The following MSN variants were observed in gnomAD, a reference collection of about 807,000 sequenced individuals.
MSN encodes the protein moesin, also known as epididymis luminal protein 70.
A neutral mutation model predicts 48.0 loss-of-function variants in MSN; 2 were observed. The ratio of observed to expected loss-of-function variants is 0.04; its 90% CI spans 0.02 to 0.13. The LOEUF (loss-of-function observed/expected upper bound fraction) is 0.13. Among genes scored for constraint, MSN ranks in the 10% least tolerant of loss-of-function variants. MSN has a pLI of 1.00. For synonymous variants in MSN, 146 were observed against 166.9 expected, an observed-to-expected ratio of 0.87 and a Z score of 0.97; for missense variants, 267 against 470.1, an observed-to-expected ratio of 0.57 and a Z score of 3.99.
rs1339393614 is a variant in MSN, at chrX:65,724,877, C to A, written c.97-2937C>A. Among the ~76,000 whole-genome samples, 6 of 110,610 alleles carry A rather than the reference C, an allele frequency of 5.4e-5. No homozygotes were observed. The Admixed American group carries it at 5.8e-4, about 11-fold the overall frequency. On this transcript the variant is annotated intron_variant, in intron 2 of 12. Transcript: ENST00000360270. ...AATTTTTTTGTATTTTTAGTAGAGA[C>A]CAGGTTTCACCATGTTAGTCAGGAT...
intron 1 of MSN, among the ~76,000 whole-genome samples, chrX:65,618,241 A>C (rs936964991): frequency 6.3e-5 from 7 of 111,464 alleles, no homozygotes; most frequent in African/African-American, 2.0e-4. Flanking sequence ...TGCAGAGCTG[A>C]GTTCAATTCC....
chrX:65,663,690 G>A (rs370054850), upstream of MSN, among the ~76,000 whole-genome samples: 41 of 111,354 alleles, frequency 3.7e-4, no homozygotes, highest in East Asian at 1.4e-3. Context: ...TCACAGTAAC[G>A]AAGACATGAA....
intron 3 of MSN, 79 bp downstream of exon 3, chrX:65,727,988 G>C: frequency 1.1e-6 from 1 of 877,655 alleles, no homozygotes; most frequent in Non-Finnish European, 1.6e-6. Context: ...TGTGCTAGTT[G>C]GCAAATCCTG....
Position 65,631,127 on chromosome X carries a change from G to A in MSN, c.-22+42515G>A, listed in dbSNP as rs748858422. ...TTTTTTTTGTCTGAGACAGAGTCTC[G>A]CTCTGTTGCCCAGGCTGGAATGCAA... On this transcript the variant is annotated intron_variant, in intron 1 of 3. Coordinates refer to the MSN transcript ENST00000609672. 7.7e-5 allele frequency among the ~76,000 whole-genome samples: 8 copies of A among 104,432 alleles called. No homozygotes were observed. The South Asian group carries it at 3.5e-3, about 46-fold the overall frequency. 90.7% of individuals were successfully genotyped at this position (104,432 alleles called of 115,157 possible).
intron 1 of MSN, among the ~76,000 whole-genome samples, chrX:65,677,094 C>G (rs1339936787): frequency 8.9e-6 from 1 of 111,925 alleles, no homozygotes; most frequent in African/African-American, 3.2e-5. Context: ...TCCCAAAGTG[C>G]TGGGATTACA....
intron 1 of MSN, among the ~76,000 whole-genome samples, chrX:65,636,988 G>A (rs2070608805): frequency 1.9e-5 from 2 of 107,401 alleles, no homozygotes; most frequent in African/African-American, 6.8e-5. Flanking sequence ...TACTCGGGAG[G>A]CTGAGGCAGG....
At chrX:65,674,462 A>G (rs2070976129) in intron 1 of MSN, among the ~76,000 whole-genome samples, 2 of 111,165 alleles carry the variant, frequency 1.8e-5, no homozygotes, top group Admixed American at 1.9e-4. Flanking sequence ...GGTACAATGG[A>G]GTTCCCCTAA....
chrX:65,695,134 A>T (rs2071219946), intron 1 of MSN, among the ~76,000 whole-genome samples: 1 of 108,745 alleles, frequency 9.2e-6, no homozygotes, highest in African/African-American at 3.4e-5. Flanking sequence ...TGGAGTATAG[A>T]TGCAGAGGGA....
rs767988575 is a variant in MSN at position 65,720,832 on chromosome X, G to A, written c.96+3931G>A. ...GCAACAATGGGATGCCATAGCTTGA[G>A]GAAGTCTAGGGCCTGGTGGGAAAGG... On this transcript the variant is annotated intron_variant, in intron 2 of 12. Coordinates refer to ENST00000360270, the MANE Select transcript of MSN (RefSeq NM_002444.3). Among the ~76,000 whole-genome samples the A allele has an allele frequency of 5.3e-5, 6 of 112,300 alleles. No individual in the cohort carries two copies. The South Asian group carries it at 2.2e-3, about 41-fold the overall frequency.
chrX:65,724,618 G>A (rs1401705952), intron 2 of MSN, among the ~76,000 whole-genome samples: 1 of 112,171 alleles, frequency 8.9e-6, no homozygotes, highest in Non-Finnish European at 1.9e-5. Flanking sequence ...TAGTCTGTTA[G>A]TACAGGCAAA....
intron 1 of MSN, among the ~76,000 whole-genome samples, chrX:65,640,188 A>G (rs746516722): frequency 7.2e-5 from 8 of 110,717 alleles, no homozygotes; most frequent in Non-Finnish European, 1.5e-4. Context: ...ACACCACCCC[A>G]CCTCCCTGAA....
chrX:65,637,988 G>T (rs955935755), intron 1 of MSN, among the ~76,000 whole-genome samples: 1 of 111,964 alleles, frequency 8.9e-6, no homozygotes, highest in African/African-American at 3.2e-5. Flanking sequence ...TCCCCCACTA[G>T]AATGTAAGTT....
Position 65,717,809 on chromosome X carries a change from C to G in MSN, c.96+908C>G, listed in dbSNP as rs1047308906. On this transcript the variant is annotated intron_variant, in intron 2 of 12. Transcript: ENST00000360270. ...GCTGCATATCACCCTGATGGATTCT[C>G]CAGGCCCTCTTGCTTCCCTTTCTTC... Among the ~76,000 whole-genome samples the G allele has an allele frequency of 8.1e-5, 9 of 111,630 alleles. No individual in the cohort carries two copies. The Admixed American group carries it at 8.6e-4, about 11-fold the overall frequency.
intron 1 of MSN, among the ~76,000 whole-genome samples, chrX:65,643,036 C>T (rs1475668780): frequency 9.0e-6 from 1 of 110,865 alleles, no homozygotes; most frequent in African/African-American, 3.3e-5. Context: ...TGCAGGTCTT[C>T]TAGCCCTTAG....
chrX:65,614,131 C>T (rs1048049872), intron 1 of MSN, among the ~76,000 whole-genome samples: 8 of 111,813 alleles, frequency 7.2e-5, no homozygotes, highest in African/African-American at 2.6e-4. Flanking sequence ...ATAGGGAATC[C>T]TTTCCCCATT....
At chrX:65,594,044 G>A (rs1460180685) in intron 1 of MSN, among the ~76,000 whole-genome samples, 1 of 111,774 alleles carries the variant, frequency 8.9e-6, no homozygotes, top group Non-Finnish European at 1.9e-5. Context: ...GGAGGTTGTA[G>A]GCAGAGAGGT....
At chrX:65,633,814 C>A (rs749375380) in intron 1 of MSN, among the ~76,000 whole-genome samples, 37 of 112,084 alleles carry the variant, frequency 3.3e-4, no homozygotes, top group Non-Finnish European at 5.6e-5. Flanking sequence ...ATAGTTCATT[C>A]TCACAGAAAT....
chrX:65,649,637 A>ATATGTATGTG (rs929195676), intron 1 of MSN, among the ~76,000 whole-genome samples: 2 of 104,004 alleles, frequency 1.9e-5, no homozygotes, highest in African/African-American at 7.0e-5. Context: ...GCGCGTGTGT[A>ATATGTATGTG]TATGTATGTG....
chrX:65,594,536 T>C (rs1277210229), intron 1 of MSN, among the ~76,000 whole-genome samples: 1 of 110,953 alleles, frequency 9.0e-6, no homozygotes, highest in Non-Finnish European at 1.9e-5. Flanking sequence ...TGGCCCCTAC[T>C]TGGGTAGGGG....
Sources: gnomAD v4.1 joint callset for allele counts (sites outside exome capture counted in the v4.1 genomes callset) on GRCh38, gnomAD v4.1.1 for gene constraint, MANE v1.5 for transcripts, NCBI Gene and HGNC (gene_info 2026-07-23, HGNC 2026-07-21) for gene names.